The following EIF4E3 variants were observed in gnomAD, a reference collection of about 807,000 sequenced individuals.
EIF4E3 encodes eukaryotic translation initiation factor 4E family member 3, also known as eukaryotic translation initiation factor 4E type 3.
In EIF4E3, 26 loss-of-function variants were observed where a neutral mutation model predicts 31.7. The ratio of observed to expected loss-of-function variants is 0.82; its 90% CI spans 0.60 to 1.14. EIF4E3 has a LOEUF of 1.14. Among genes scored for constraint, EIF4E3 ranks in the 50% most tolerant of loss-of-function variants. The probability of loss-of-function intolerance (pLI) is 0.00; values close to 1 mark genes in which losing one functional copy is unlikely to be tolerated. For synonymous variants in EIF4E3, 128 were observed against 107.7 expected, an observed-to-expected ratio of 1.19 and a Z score of -1.17; for missense variants, 304 against 270.9, an observed-to-expected ratio of 1.12 and a Z score of -0.86.
downstream of EIF4E3, among the ~76,000 whole-genome samples, chr3:71,674,517 CAGA>C (rs2048862477): frequency 6.6e-6 from 1 of 152,110 alleles, no homozygotes; most frequent in Non-Finnish European, 1.5e-5. Context: ...GTCAAGTGCA[CAGA>C]ACTCAAGTAA....
intron 1 of EIF4E3, among the ~76,000 whole-genome samples, chr3:71,732,749 G>C (rs2049720329): frequency 6.6e-6 from 1 of 152,244 alleles, no homozygotes; most frequent in African/African-American, 2.4e-5. Context: ...ATTTTTAAAA[G>C]AAAGGAAACG....
chr3:71,718,551 G>A (rs531363697), intron 1 of EIF4E3, among the ~76,000 whole-genome samples: 29 of 152,298 alleles, frequency 1.9e-4, no homozygotes, highest in Non-Finnish European at 3.8e-4. Context: ...AGTGTTAAGA[G>A]TTTACGACAA....
At chr3:71,751,027 G>A (rs978129170) in intron 1 of EIF4E3, among the ~76,000 whole-genome samples, 1 of 152,000 alleles carries the variant, frequency 6.6e-6, no homozygotes, top group Non-Finnish European at 1.5e-5. Context: ...CTCCCAAAGT[G>A]CTGGGATTAC....
At chr3:71,730,689 C>T (rs1373663609) in intron 1 of EIF4E3, among the ~76,000 whole-genome samples, 3 of 152,038 alleles carry the variant, frequency 2.0e-5, no homozygotes, top group South Asian at 2.1e-4. Flanking sequence ...GCCTGCAATC[C>T]GTGTGTTGGT....
chr3:71,729,245 G>C (rs2049676472), upstream of EIF4E3: 1 of 152,194 alleles, frequency 6.6e-6, no homozygotes, highest in Non-Finnish European at 1.5e-5. Flanking sequence ...TGATGACGTT[G>C]GAAGGGAAGG....
At chr3:71,698,477 T>C (rs1014443816) in intron 3 of EIF4E3, among the ~76,000 whole-genome samples, 4 of 152,218 alleles carry the variant, frequency 2.6e-5, no homozygotes, top group African/African-American at 9.6e-5. Context: ...GCTCCCTTTC[T>C]GGTAAGAGCA....
intron 1 of EIF4E3, among the ~76,000 whole-genome samples, chr3:71,731,408 C>CCTT (rs2049704798): frequency 6.6e-6 from 1 of 152,304 alleles, no homozygotes; most frequent in South Asian, 2.1e-4. Context: ...CCTTCTCCTG[C>CCTT]CTTAGGCCTC....
chr3:71,668,505 G>C, the EIF4E3 span, among the ~76,000 whole-genome samples: 1 of 151,874 alleles, frequency 6.6e-6, no homozygotes, highest in South Asian at 2.1e-4. Context: ...ATCTGACAAA[G>C]GGCTAATATC....
rs929210880 is a variant in EIF4E3 at position 71,682,191 on chromosome 3, A to G, written c.*2491T>C. The G allele has an allele frequency of 1.3e-5, 2 of 152,242 alleles. No homozygotes were observed. The highest frequency in any genetic ancestry group is 2.9e-5 in the Non-Finnish European group (2 of 68,044). The allele number at this position is 152,242 out of a possible 1,614,324, so 9.4% of individuals were successfully genotyped here. A position where few individuals can be genotyped will look rare whatever the true frequency, so the allele number is the denominator to read the frequency against. ...GAGAATAAAAAGCATATTAGTTTCA[A>G]TCAGATTTCCTGGCATATATCACAG... On this transcript the variant is annotated 3_prime_UTR_variant, in exon 7 of 7. Transcript: ENST00000425534.
At chr3:71,717,076 G>A (rs970644173) in intron 1 of EIF4E3, among the ~76,000 whole-genome samples, 2 of 152,198 alleles carry the variant, frequency 1.3e-5, no homozygotes, top group Admixed American at 1.3e-4. Context: ...CAATCCATAT[G>A]TATGCCTAGA....
rs1173414328 is a variant in EIF4E3, at chr3:71,676,097, A to C, written c.*8585T>G. 6.6e-6 allele frequency: 1 copy of C among 152,236 alleles called. No homozygotes were observed. The highest frequency in any genetic ancestry group is 2.4e-5 in the African/African-American group (1 of 41,466). The allele number at this position is 152,236 out of a possible 1,614,324, so 9.4% of individuals were successfully genotyped here. A position where few individuals can be genotyped will look rare whatever the true frequency, so the allele number is the denominator to read the frequency against. ...AGCTATGGACAGAGCCACACACTAC[A>C]GCAAAAGCACATTAAATTCTGCCCA... On this transcript the variant is annotated 3_prime_UTR_variant, in exon 7 of 7. Coordinates refer to ENST00000425534, the MANE Select transcript of EIF4E3 (RefSeq NM_001134651.2).
the EIF4E3 span, among the ~76,000 whole-genome samples, chr3:71,664,891 A>G: frequency 2.0e-5 from 3 of 152,256 alleles, no homozygotes; most frequent in South Asian, 6.2e-4. Flanking sequence ...AAACAAAACA[A>G]AACAAAAAAA....
the EIF4E3 span, among the ~76,000 whole-genome samples, chr3:71,663,423 T>C: frequency 6.6e-6 from 1 of 152,326 alleles, no homozygotes; most frequent in African/African-American, 2.4e-5. Context: ...AAAATAAGAA[T>C]TTATTACAAA....
chr3:71,700,609 G>GT (rs2049202422), intron 2 of EIF4E3, among the ~76,000 whole-genome samples: 1 of 82,890 alleles, frequency 1.2e-5, no homozygotes, highest in Non-Finnish European at 2.4e-5. Flanking sequence ...GCGAGACTCC[G>GT]TTTAAAAAAA....
chr3:71,752,307 G>A (rs1030671183), intron 1 of EIF4E3, among the ~76,000 whole-genome samples: 1 of 152,128 alleles, frequency 6.6e-6, no homozygotes, highest in Admixed American at 6.5e-5. Context: ...TCTGGACTAG[G>A]TTTACCGGCT....
chr3:71,660,619 C>T, the EIF4E3 span, among the ~76,000 whole-genome samples: 35 of 152,114 alleles, frequency 2.3e-4, no homozygotes, highest in African/African-American at 8.5e-4. Flanking sequence ...CTGCCAGGCC[C>T]ACCGCTAAAT....
chr3:71,708,556 G>A (rs2049327750), intron 2 of EIF4E3, among the ~76,000 whole-genome samples: 1 of 151,766 alleles, frequency 6.6e-6, no homozygotes, highest in Admixed American at 6.6e-5. Context: ...TGGATTCAGG[G>A]GCTCTACCAA....
At chr3:71,738,522 CAAAT>C (rs1176995600) in intron 1 of EIF4E3, among the ~76,000 whole-genome samples, 15 of 151,950 alleles carry the variant, frequency 9.9e-5, no homozygotes, top group African/African-American at 2.9e-4. Flanking sequence ...ATATAAATAT[CAAAT>C]AAAGCAGATT....
At chr3:71,724,224 A>C (rs2049593165) in intron 1 of EIF4E3, among the ~76,000 whole-genome samples, 1 of 152,192 alleles carries the variant, frequency 6.6e-6, no homozygotes, top group African/African-American at 2.4e-5. Flanking sequence ...GGGGCTTTGC[A>C]TTCATCCATC....
Sources: allele counts gnomAD v4.1 joint callset (sites outside exome capture counted in the v4.1 genomes callset), GRCh38; gene constraint gnomAD v4.1.1; transcripts MANE v1.5; gene names NCBI Gene and HGNC (gene_info 2026-07-23, HGNC 2026-07-21).